Variants in CNTNAP2 observed in about 807,000 individuals in gnomAD.
The protein encoded by CNTNAP2 is contactin associated protein 2.
CNTNAP2 carries 98 observed loss-of-function variants against 155.2 expected under a neutral mutation model. The ratio of observed to expected loss-of-function variants is 0.63; its 90% CI spans 0.54 to 0.75. CNTNAP2 has a LOEUF of 0.75. Ranked by LOEUF, CNTNAP2 falls within the 30% of genes least tolerant of loss-of-function variation. The probability of loss-of-function intolerance (pLI) is 0.00; values close to 1 mark genes in which losing one functional copy is unlikely to be tolerated. For missense variants in CNTNAP2, 1,727 were observed against 1,688.1 expected (o/e 1.02, Z -0.40); for synonymous variants, 651 against 631.2 (o/e 1.03, Z -0.47).
chr7:146,482,680 T>C (rs1272637723), intron 1 of CNTNAP2, among the ~76,000 whole-genome samples: 5 of 151,656 alleles, frequency 3.3e-5, no homozygotes. Flanking sequence ...GAGGCAGAAG[T>C]TGCAGTGAGC....
At chr7:147,745,996 G>A (rs1412949474) in intron 13 of CNTNAP2, among the ~76,000 whole-genome samples, 3 of 152,040 alleles carry the variant, frequency 2.0e-5, no homozygotes, top group Non-Finnish European at 2.9e-5. Context: ...TTTAACACAA[G>A]GAAAACCACA....
chr7:148,084,545 T>C (rs1447535626), intron 15 of CNTNAP2, among the ~76,000 whole-genome samples: 2 of 152,184 alleles, frequency 1.3e-5, no homozygotes, highest in South Asian at 2.1e-4. Context: ...CTTCCTTTTT[T>C]CTTTCTTTCT....
intron 15 of CNTNAP2, among the ~76,000 whole-genome samples, chr7:148,008,178 A>C (rs940067949): frequency 3.3e-5 from 5 of 151,550 alleles, no homozygotes; most frequent in Admixed American, 1.3e-4. Flanking sequence ...CCTGGCCAAA[A>C]TGATGAAACC....
intron 9 of CNTNAP2, among the ~76,000 whole-genome samples, chr7:147,365,622 T>G (rs1287112777): frequency 1.3e-5 from 2 of 152,120 alleles, no homozygotes; most frequent in African/African-American, 4.8e-5. Flanking sequence ...GTCAAAACAT[T>G]ATCAGTCTCT....
chr7:147,160,487 G>T (rs1802004739), intron 8 of CNTNAP2, among the ~76,000 whole-genome samples: 1 of 151,954 alleles, frequency 6.6e-6, no homozygotes, highest in South Asian at 2.1e-4. Flanking sequence ...ATTATTATAG[G>T]TTTATTTTAA....
intron 1 of CNTNAP2, among the ~76,000 whole-genome samples, chr7:146,498,816 G>A (rs700282): frequency 0.98 from 149,165 of 152,280 alleles, 73,087 homozygotes; most frequent in East Asian, 1. Context: ...AGAGGGAAAA[G>A]TAACACAGAA....
chr7:148,015,611 C>T (rs1179844629), intron 15 of CNTNAP2, among the ~76,000 whole-genome samples: 2 of 152,232 alleles, frequency 1.3e-5, no homozygotes, highest in African/African-American at 2.4e-5. Context: ...AGTGTGCTAA[C>T]TGACCTGGAA....
chr7:146,576,952 A>G (rs998832318), intron 1 of CNTNAP2, among the ~76,000 whole-genome samples: 1 of 152,200 alleles, frequency 6.6e-6, no homozygotes, highest in African/African-American at 2.4e-5. Flanking sequence ...CACATGATAC[A>G]TCATTACAAT....
intron 10 of CNTNAP2, among the ~76,000 whole-genome samples, chr7:147,481,296 AAAC>A (rs1013388132): frequency 6.6e-6 from 1 of 152,232 alleles, no homozygotes; most frequent in Non-Finnish European, 1.5e-5. Context: ...CTGCTTAATT[AAAC>A]AATGTCCATA....
chr7:147,002,914 A>C (rs1468138523), intron 3 of CNTNAP2, among the ~76,000 whole-genome samples: 1 of 150,220 alleles, frequency 6.7e-6, no homozygotes, highest in Non-Finnish European at 1.5e-5. Flanking sequence ...GGGGACACAA[A>C]CATTCAGAAC....
intron 1 of CNTNAP2, among the ~76,000 whole-genome samples, chr7:146,313,879 G>T (rs749463973): frequency 6.6e-6 from 1 of 152,004 alleles, no homozygotes; most frequent in Non-Finnish European, 1.5e-5. Flanking sequence ...CATACCTGTA[G>T]TCCCAGTTAC....
chr7:147,340,480 T>C (rs1338544123), intron 9 of CNTNAP2, among the ~76,000 whole-genome samples: 1 of 152,160 alleles, frequency 6.6e-6, no homozygotes, highest in Admixed American at 6.6e-5. Flanking sequence ...GTTCAGCCAG[T>C]ACCCAGGCTT....
At chr7:147,587,433 C>A (rs1416291392) in intron 12 of CNTNAP2, among the ~76,000 whole-genome samples, 1 of 152,166 alleles carries the variant, frequency 6.6e-6, no homozygotes, top group Non-Finnish European at 1.5e-5. Context: ...ACAAGAGAAT[C>A]CCCATTTCTG....
At chr7:146,876,066 C>A (rs1310514816) in intron 3 of CNTNAP2, among the ~76,000 whole-genome samples, 1 of 150,676 alleles carries the variant, frequency 6.6e-6, no homozygotes, top group Non-Finnish European at 1.5e-5. Context: ...TTACATTAAA[C>A]TCCTGGCCTG....
intron 1 of CNTNAP2, among the ~76,000 whole-genome samples, chr7:146,730,415 T>C (rs1279536361): frequency 6.6e-6 from 1 of 152,172 alleles, no homozygotes; most frequent in Non-Finnish European, 1.5e-5. Context: ...TTTATAACAT[T>C]GTACACATCC....
intron 8 of CNTNAP2, among the ~76,000 whole-genome samples, chr7:147,187,314 G>C (rs191287423): frequency 2.6e-4 from 39 of 152,276 alleles, no homozygotes; most frequent in Non-Finnish European, 2.4e-4. Context: ...GAGGTACTGA[G>C]TGAAGAGTAG....
chr7:147,965,868 G>A (rs1166797154), intron 14 of CNTNAP2, among the ~76,000 whole-genome samples: 1 of 152,048 alleles, frequency 6.6e-6, no homozygotes, highest in Non-Finnish European at 1.5e-5. Flanking sequence ...TTTCATTGTT[G>A]TAGCTGAGGT....
chr7:146,369,069 A>G (rs1007176031), intron 1 of CNTNAP2, among the ~76,000 whole-genome samples: 3 of 145,484 alleles, frequency 2.1e-5, no homozygotes, highest in Non-Finnish European at 4.5e-5. Flanking sequence ...ATATATACTC[A>G]TAACTCTTCA....
At chr7:148,194,338 C>G (rs1795242609) in intron 18 of CNTNAP2, among the ~76,000 whole-genome samples, 1 of 152,044 alleles carries the variant, frequency 6.6e-6, no homozygotes, top group Non-Finnish European at 1.5e-5. Flanking sequence ...CTTGAGTGAT[C>G]TACCCTATGT....
Sources: gnomAD v4.1 joint callset for allele counts (sites outside exome capture counted in the v4.1 genomes callset) on GRCh38, gnomAD v4.1.1 for gene constraint, MANE v1.5 for transcripts, NCBI Gene and HGNC (gene_info 2026-07-23, HGNC 2026-07-21) for gene names.